Variants in RBMS3 observed in about 807,000 individuals in gnomAD.
RBMS3 encodes the protein RNA binding motif single stranded interacting protein 3, also known as RNA-binding motif, single-stranded-interacting protein 3.
In RBMS3, 27 loss-of-function variants were observed where a neutral mutation model predicts 66.8. The observed-to-expected ratio is 0.40, with a 90% confidence interval of 0.30 to 0.56. RBMS3 has a LOEUF of 0.56. Among genes scored for constraint, RBMS3 ranks in the 20% least tolerant of loss-of-function variants. The pLI is 0.40. For synonymous variants in RBMS3, 188 were observed against 183.0 expected (o/e 1.03, Z -0.22); for missense variants, 513 against 549.5 (o/e 0.93, Z 0.66).
intron 2 of RBMS3, among the ~76,000 whole-genome samples, chr3:29,471,504 A>G (rs1272497869): frequency 6.6e-6 from 1 of 152,190 alleles, no homozygotes; most frequent in Non-Finnish European, 1.5e-5. Flanking sequence ...AATATATTTC[A>G]TTTTGTTGTT....
intron 6 of RBMS3, among the ~76,000 whole-genome samples, chr3:29,818,779 A>G (rs978895913): frequency 2.6e-5 from 4 of 152,092 alleles, no homozygotes; most frequent in African/African-American, 9.7e-5. Flanking sequence ...GTCCCTGAAA[A>G]TATATAATGT....
At chr3:29,774,719 G>C (rs923000037) in intron 6 of RBMS3, among the ~76,000 whole-genome samples, 1 of 151,920 alleles carries the variant, frequency 6.6e-6, no homozygotes, top group East Asian at 1.9e-4. Flanking sequence ...TTTTCCAGGG[G>C]CTACATGATT....
chr3:29,794,383 G>A (rs191289556), intron 6 of RBMS3, among the ~76,000 whole-genome samples: 212 of 152,120 alleles, frequency 1.4e-3, no homozygotes, highest in African/African-American at 4.8e-3. Context: ...TCAGGAGATC[G>A]AGACCATCCT....
At chr3:29,939,978 G>C (rs1176656123) in intron 11 of RBMS3, among the ~76,000 whole-genome samples, 1 of 151,658 alleles carries the variant, frequency 6.6e-6, no homozygotes, top group Non-Finnish European at 1.5e-5. Flanking sequence ...GTGTGTTTCT[G>C]CTCCCTGTTT....
At chr3:29,860,551 A>G (rs2059186793) in intron 6 of RBMS3, among the ~76,000 whole-genome samples, 1 of 152,204 alleles carries the variant, frequency 6.6e-6, no homozygotes, top group Non-Finnish European at 1.5e-5. Context: ...CATCCATTCC[A>G]TGCTCTACGA....
At chr3:29,496,565 T>A (rs2148928411) in intron 3 of RBMS3, among the ~76,000 whole-genome samples, 2 of 152,326 alleles carry the variant, frequency 1.3e-5, no homozygotes, top group Middle Eastern at 6.8e-3. Context: ...TACAGCCAAG[T>A]TCGGAAAGAA....
At chr3:29,846,807 A>G (rs887365501) in intron 6 of RBMS3, among the ~76,000 whole-genome samples, 2 of 152,196 alleles carry the variant, frequency 1.3e-5, no homozygotes, top group African/African-American at 2.4e-5. Context: ...CCAACGCCCA[A>G]ATGAATTGAT....
At chr3:29,596,786 C>G (rs2047960044) in intron 4 of RBMS3, among the ~76,000 whole-genome samples, 1 of 152,084 alleles carries the variant, frequency 6.6e-6, no homozygotes, top group Admixed American at 6.6e-5. Flanking sequence ...CTATTAGAGT[C>G]CCTGATATAC....
rs1336272827 is a variant in RBMS3 at position 29,384,429 on chromosome 3, T to TAAGAAGAAGAAG, written c.76-50312_76-50311insGAAGAAGAAGAA. Reference sequence around the variant, plus strand: ...TAAACATATACACCAATAATAATAATAATAATAAGAAGAAGAAGAAGAAGA... The same window carrying TAAGAAGAAGAAG: ...TAAACATATACACCAATAATAATAATAAGAAGAAGAAGAATAATAAGAAGAAGAAGAAGAAGA... On this transcript the variant is annotated intron_variant, in intron 1 of 14. Transcript: ENST00000383767. Among the ~76,000 whole-genome samples, 560 of 95,952 alleles carry TAAGAAGAAGAAG rather than the reference T, an allele frequency of 5.8e-3. 7 individuals are homozygous for TAAGAAGAAGAAG. Among genetic ancestry groups the TAAGAAGAAGAAG allele is most frequent in the African/African-American group, 0.018 (514 of 28,394 alleles). The allele number at this position is 95,952 out of a possible 152,430, so 62.9% of individuals were successfully genotyped here. A position where few individuals can be genotyped will look rare whatever the true frequency, so the allele number is the denominator to read the frequency against.
chr3:29,528,108 AT>A (rs66534941), intron 3 of RBMS3, among the ~76,000 whole-genome samples: 46,237 of 108,158 alleles, frequency 0.43, 8,135 homozygotes, highest in African/African-American at 0.53. Context: ...TGCAAGCAAG[AT>A]TTTTTTTTTT....
chr3:29,597,514 C>T (rs186725858), intron 4 of RBMS3, among the ~76,000 whole-genome samples: 12 of 152,220 alleles, frequency 7.9e-5, no homozygotes, highest in Non-Finnish European at 1.3e-4. Flanking sequence ...CCTCTTTTCC[C>T]ACCGTGTCCA....
At chr3:29,532,558 T>C (rs953100185) in intron 3 of RBMS3, among the ~76,000 whole-genome samples, 1 of 151,856 alleles carries the variant, frequency 6.6e-6, no homozygotes, top group Non-Finnish European at 1.5e-5. Flanking sequence ...ACTCTGTCTC[T>C]ACAAAAAAAT....
chr3:29,925,466 A>G (rs2060912409), intron 10 of RBMS3, among the ~76,000 whole-genome samples: 1 of 152,196 alleles, frequency 6.6e-6, no homozygotes, highest in Non-Finnish European at 1.5e-5. Context: ...TTTTATGGGT[A>G]AAGGCAGAAA....
At chr3:29,725,167 A>T (rs746774485) in intron 4 of RBMS3, among the ~76,000 whole-genome samples, 12 of 152,194 alleles carry the variant, frequency 7.9e-5, no homozygotes, top group Non-Finnish European at 1.2e-4. Context: ...AGACTCCTGT[A>T]GGGAGAAAAC....
chr3:29,422,584 A>G (rs1308009167), intron 1 of RBMS3, among the ~76,000 whole-genome samples: 1 of 152,014 alleles, frequency 6.6e-6, no homozygotes, highest in Non-Finnish European at 1.5e-5. Flanking sequence ...TAAATATTTT[A>G]TAAGTTTCTT....
intron 1 of RBMS3, among the ~76,000 whole-genome samples, chr3:29,329,816 A>C (rs2035546568): frequency 6.7e-6 from 1 of 148,182 alleles, no homozygotes; most frequent in East Asian, 1.9e-4. Flanking sequence ...TATATATATT[A>C]TATGTATATT....
chr3:29,460,142 C>A (rs1164366885), intron 2 of RBMS3, among the ~76,000 whole-genome samples: 1 of 152,170 alleles, frequency 6.6e-6, no homozygotes, highest in Admixed American at 6.5e-5. Flanking sequence ...TGACTTTGAG[C>A]CCTTTCTCCA....
At chr3:29,996,672 G>C (rs1699265132) in intron 14 of RBMS3, among the ~76,000 whole-genome samples, 1 of 151,540 alleles carries the variant, frequency 6.6e-6, no homozygotes, top group Non-Finnish European at 1.5e-5. Flanking sequence ...ATGACTACTG[G>C]GTACATAACG....
At chr3:29,438,961 C>T (rs1054775400) in intron 2 of RBMS3, among the ~76,000 whole-genome samples, 2 of 152,054 alleles carry the variant, frequency 1.3e-5, no homozygotes, top group Admixed American at 6.6e-5. Context: ...GGGCGATTAG[C>T]AAAGGTATCT....
Sources: gnomAD v4.1 joint callset for allele counts (sites outside exome capture counted in the v4.1 genomes callset) on GRCh38, gnomAD v4.1.1 for gene constraint, MANE v1.5 for transcripts, NCBI Gene and HGNC (gene_info 2026-07-23, HGNC 2026-07-21) for gene names.